CUBN: variants seen among roughly 807,000 people sequenced by gnomAD.
The protein encoded by CUBN is cubilin.
CUBN carries 282 observed loss-of-function variants against 405.3 expected under a neutral mutation model. The observed-to-expected ratio is 0.70, with a 90% CI of 0.63 to 0.77. The LOEUF is 0.77. Among genes scored for constraint, CUBN ranks in the 30% least tolerant of loss-of-function variants. The pLI is 0.00. For missense variants in CUBN, 4,514 were observed against 4,475.2 expected, an observed-to-expected ratio of 1.01 and a Z score of -0.25; for synonymous variants, 1,684 against 1,617.0, an observed-to-expected ratio of 1.04 and a Z score of -0.99.
At chr10:17,004,154 G>T (rs1373985090) in intron 28 of CUBN, among the ~76,000 whole-genome samples, 1 of 152,156 alleles carries the variant, frequency 6.6e-6, no homozygotes, top group Non-Finnish European at 1.5e-5. Flanking sequence ...AGTCCGTGAA[G>T]ATTTTCCCCA....
chr10:17,043,162 G>T (rs958712579), intron 26 of CUBN, among the ~76,000 whole-genome samples: 1 of 152,164 alleles, frequency 6.6e-6, no homozygotes, highest in Admixed American at 6.5e-5. Context: ...GGACCACAAA[G>T]AAAAGTGACT....
intron 14 of CUBN, among the ~76,000 whole-genome samples, chr10:17,097,118 A>G (rs896984425): frequency 6.6e-6 from 1 of 152,132 alleles, no homozygotes; most frequent in African/African-American, 2.4e-5. Flanking sequence ...AAATCAATGA[A>G]ATAAAAATCA....
chr10:16,952,197 A>G (rs192521549), intron 33 of CUBN, 79 bp downstream of exon 33: 1 of 963,564 alleles, frequency 1.0e-6, no homozygotes, highest in East Asian at 2.4e-5. Context: ...CACTGAGATA[A>G]GAAGGTTACT....
chr10:16,910,789 T>C (rs896199937), intron 48 of CUBN, among the ~76,000 whole-genome samples: 4 of 151,286 alleles, frequency 2.6e-5, no homozygotes, highest in African/African-American at 9.7e-5. Context: ...ATCAAACATA[T>C]AAAATATTTA....
chr10:17,072,085 T>A (rs1835753469), intron 17 of CUBN, 114 bp from the exon 18 acceptor site: 1 of 794,734 alleles, frequency 1.3e-6, no homozygotes, highest in African/African-American at 1.7e-5. Flanking sequence ...ATAATCCAAT[T>A]TGAGTTACAT....
At position 16,840,457 on chromosome 10, in the gene CUBN, G is replaced by T. The variant is rs777997194; in HGVS notation, c.9905C>A (p.Pro3302Gln). 16 of 1,613,690 alleles carry T rather than the reference G, an allele frequency of 9.9e-6. No individual in the cohort carries two copies. Among genetic ancestry groups the T allele is most frequent in the Non-Finnish European group, 1.3e-5 (15 of 1,179,774 alleles). The change falls in exon 62 of 67, where the codon CCA (proline) becomes CAA (glutamine). Residue 3302 changes from proline to glutamine, a missense_variant. Pro to Gln is a moderately conservative substitution (Grantham distance 76). Around this residue, in one of 5 missense-constraint regions of CUBN, gnomAD observed 1,186 missense variants for 1,186.9 expected, o/e 1.00. Transcript: ENST00000377833. ...AATGACCCAAGTACAGATGGAAAAT[G>T]GGACATCTGGGTCTGATGAATTGGG... ...SSPNSSDPDVPFSICTWVIDS... is the reference protein window; with the variant it reads ...SSPNSSDPDVQFSICTWVIDS...
At chr10:16,963,139 T>C (rs1217902114) in intron 31 of CUBN, among the ~76,000 whole-genome samples, 4 of 151,962 alleles carry the variant, frequency 2.6e-5, no homozygotes, top group Non-Finnish European at 5.9e-5. Context: ...GTTTTTCTCA[T>C]TTCGTTCCAG....
At chr10:16,974,934 G>C (rs1029873046) in intron 31 of CUBN, among the ~76,000 whole-genome samples, 2 of 152,114 alleles carry the variant, frequency 1.3e-5, no homozygotes, top group African/African-American at 2.4e-5. Context: ...AAAGAATACA[G>C]TATGTAATAT....
intron 64 of CUBN, among the ~76,000 whole-genome samples, chr10:16,831,756 T>C (rs555372925): frequency 2.6e-5 from 4 of 152,176 alleles, no homozygotes; most frequent in Non-Finnish European, 5.9e-5. Flanking sequence ...GTAGGTAAAG[T>C]GAATTTTTAA....
chr10:16,894,127 G>C (rs1241426593), intron 54 of CUBN, among the ~76,000 whole-genome samples: 1 of 152,116 alleles, frequency 6.6e-6, no homozygotes. Flanking sequence ...TTACATAGTA[G>C]TACATTGCCT....
At position 16,824,948 on chromosome 10, in the gene CUBN, G is replaced by T; in HGVS notation, c.*27C>A. ...GTCCAGCGTGCTGCAGAGGGAAAGT[G>T]CTGAGTGAACACGAGTTGTTACCCA... On this transcript the variant is annotated 3_prime_UTR_variant, in exon 67 of 67. Coordinates refer to ENST00000377833, the MANE Select transcript of CUBN (RefSeq NM_001081.4). The T allele has an allele frequency of 6.6e-7, 1 of 1,523,012 alleles. No individual in the cohort carries two copies. 94.3% of individuals were successfully genotyped at this position (1,523,012 alleles called of 1,614,324 possible). A position where few individuals can be genotyped will look rare whatever the true frequency, so the allele number is the denominator to read the frequency against.
chr10:17,111,420 T>C (rs1269703250), intron 8 of CUBN, among the ~76,000 whole-genome samples: 1 of 152,168 alleles, frequency 6.6e-6, no homozygotes, highest in African/African-American at 2.4e-5. Context: ...TACATCTTAG[T>C]ATACTGGTAT....
rs751476396 is a variant in CUBN at position 16,828,696 on chromosome 10, TG to T, written c.10764+108del. On this transcript the variant is annotated intron_variant, in intron 66 of 66. Transcript: ENST00000377833. ...TTGCGCGCACCACTGCACTCCAGCCTGGGTGACAAGAGCGAGATTCCATCTT... is the reference window on the plus strand; with the variant it reads ...TTGCGCGCACCACTGCACTCCAGCCTGGTGACAAGAGCGAGATTCCATCTT... 3.3e-4 allele frequency: 290 copies of T among 879,538 alleles called. 1 individual carries two copies. The highest frequency in any genetic ancestry group is 1.5e-3 in the Admixed American group (76 of 49,864). The allele number at this position is 879,538 out of a possible 1,614,324, so 54.5% of individuals were successfully genotyped here. A position where few individuals can be genotyped will look rare whatever the true frequency, so the allele number is the denominator to read the frequency against.
Position 16,876,958 on chromosome 10 carries a change from A to G in CUBN, c.9045T>C (p.Leu3015=). The change falls in exon 57 of 67, where the codon CTT becomes CTC. Residue 3015 remains leucine (L), a synonymous_variant. Transcript: ENST00000377833. ...TGATTTGCTCGTTGGAGTAGAAGTTAAGCAGAACCGGCCCAGCGATGGTGA... is the reference window on the plus strand; with the variant it reads ...TGATTTGCTCGTTGGAGTAGAAGTTGAGCAGAACCGGCCCAGCGATGGTGA... ...APLTIAGPVL[L]NFYSNEQITD... 6.2e-7 allele frequency: 1 copy of G among 1,614,190 alleles called. No homozygotes were observed. The highest frequency in any genetic ancestry group is 8.5e-7 in the Non-Finnish European group (1 of 1,180,038).
At position 16,851,361 on chromosome 10, in the gene CUBN, A is replaced by G. The variant is rs761447620; in HGVS notation, c.9537T>C (p.Tyr3179=). The change falls in exon 60 of 67, where the codon TAT becomes TAC. Residue 3179 remains tyrosine, a synonymous_variant. Transcript: ENST00000377833. The stretch of plus-strand genomic sequence containing the variant: ...TCCATACACAGTTTAAATTCTTGTC[A>G]TACATTCCATTCGAATCAGAATCAG... ...ASPDSDSNGM[Y]DKNLNCVWII... is the part of the protein sequence containing the mutation. 1 of 1,614,158 alleles carries G rather than the reference A, an allele frequency of 6.2e-7. No homozygotes were observed. The highest frequency in any genetic ancestry group is 8.5e-7 in the Non-Finnish European group (1 of 1,180,018).
chr10:16,923,225 G>T (rs569759680), intron 43 of CUBN, among the ~76,000 whole-genome samples: 17 of 151,944 alleles, frequency 1.1e-4, no homozygotes, highest in Non-Finnish European at 1.9e-4. Flanking sequence ...TTTGCATGAT[G>T]TGAAACACCT....
intron 31 of CUBN, among the ~76,000 whole-genome samples, chr10:16,967,463 G>T (rs1056877667): frequency 2.6e-5 from 4 of 152,188 alleles, no homozygotes; most frequent in Non-Finnish European, 5.9e-5. Context: ...GAGAGCTGTG[G>T]CTTCAACTCA....
intron 60 of CUBN, among the ~76,000 whole-genome samples, chr10:16,842,785 A>G (rs1839393139): frequency 6.6e-6 from 1 of 152,210 alleles, no homozygotes; most frequent in Non-Finnish European, 1.5e-5. Flanking sequence ...ACAGTCTGCA[A>G]GCCCCAGCTG....
chr10:17,057,498 G>C (rs543995151), intron 22 of CUBN, among the ~76,000 whole-genome samples: 1 of 152,044 alleles, frequency 6.6e-6, no homozygotes, highest in Non-Finnish European at 1.5e-5. Context: ...CATATAGGTG[G>C]GAATATAAAA....
Sources: allele counts gnomAD v4.1 joint callset (sites outside exome capture counted in the v4.1 genomes callset), GRCh38; gene constraint gnomAD v4.1.1; regional missense constraint gnomAD v4.1.1; transcripts MANE v1.5; gene names NCBI Gene and HGNC (gene_info 2026-07-23, HGNC 2026-07-21).